Variants in PLEKHM3 observed in about 807,000 individuals in gnomAD.
PLEKHM3 encodes the protein pleckstrin homology domain-containing family M member 3.
Under a neutral mutation model 81.8 loss-of-function variants are expected in PLEKHM3, and 45 were observed. The observed-to-expected ratio is 0.55, with a 90% CI of 0.43 to 0.71. The LOEUF is 0.71. Among genes scored for constraint, PLEKHM3 ranks in the 30% least tolerant of loss-of-function variants. The pLI is 0.00. For synonymous variants in PLEKHM3, 352 were observed against 356.4 expected (o/e 0.99, Z 0.14); for missense variants, 788 against 924.3 (o/e 0.85, Z 1.91).
rs12619380 is a variant in PLEKHM3, at chr2:207,821,686, C to T, written c.*6633G>A. On this transcript the variant is annotated 3_prime_UTR_variant, in exon 8 of 8. Transcript: ENST00000427836. Reference sequence around the variant, plus strand: ...TTTGCAGAAGTTTTTTACATCACCACGTTCAATACTCTCCATTTGCAACCT... The same window carrying T: ...TTTGCAGAAGTTTTTTACATCACCATGTTCAATACTCTCCATTTGCAACCT... The T allele has an allele frequency of 0.29, 44,388 of 151,698 alleles. 6,880 individuals are homozygous for T. Among genetic ancestry groups the T allele is most frequent in the African/African-American group, 0.4 (16,595 of 41,322 alleles). 9.4% of individuals were successfully genotyped at this position (151,698 alleles called of 1,614,324 possible).
chr2:208,018,280 G>A (rs1298820312), intron 1 of PLEKHM3, among the ~76,000 whole-genome samples: 2 of 150,784 alleles, frequency 1.3e-5, no homozygotes, highest in Non-Finnish European at 2.9e-5. Context: ...GGCTGAGGCA[G>A]GAGAATTGTT....
intron 2 of PLEKHM3, among the ~76,000 whole-genome samples, chr2:207,991,637 C>T (rs1356122351): frequency 6.6e-6 from 1 of 152,128 alleles, no homozygotes; most frequent in Non-Finnish European, 1.5e-5. Context: ...CCTGCTCTCT[C>T]TCTTCCTGGT....
chr2:207,954,673 T>G (rs1690446907), intron 3 of PLEKHM3, among the ~76,000 whole-genome samples: 1 of 152,152 alleles, frequency 6.6e-6, no homozygotes, highest in Non-Finnish European at 1.5e-5. Flanking sequence ...CTATTAAGAG[T>G]TATTTGGGTT....
chr2:207,859,973 C>T (rs2092458122), intron 7 of PLEKHM3, among the ~76,000 whole-genome samples: 1 of 152,218 alleles, frequency 6.6e-6, no homozygotes, highest in Admixed American at 6.5e-5. Flanking sequence ...TCTAATTTTA[C>T]TCCCAGTGGT....
At chr2:207,922,034 T>C (rs536643781) in intron 5 of PLEKHM3, among the ~76,000 whole-genome samples, 1 of 152,330 alleles carries the variant, frequency 6.6e-6, no homozygotes, top group African/African-American at 2.4e-5. Context: ...GGTAGCTCTA[T>C]TTTTAGTTTT....
chr2:207,904,042 C>T (rs1435562373), intron 6 of PLEKHM3, among the ~76,000 whole-genome samples: 1 of 152,176 alleles, frequency 6.6e-6, no homozygotes, highest in Non-Finnish European at 1.5e-5. Flanking sequence ...GCCTCAGTTT[C>T]CCCATTCAAA....
At chr2:207,829,634 G>T (rs2092273511) in intron 7 of PLEKHM3, among the ~76,000 whole-genome samples, 1 of 152,092 alleles carries the variant, frequency 6.6e-6, no homozygotes, top group Admixed American at 6.6e-5. Flanking sequence ...TCCAGTGAGT[G>T]GTTTGCCGAT....
intron 6 of PLEKHM3, among the ~76,000 whole-genome samples, chr2:207,897,514 C>T (rs1273857540): frequency 2.0e-5 from 3 of 152,230 alleles, no homozygotes; most frequent in Admixed American, 1.3e-4. Flanking sequence ...ATTATTCTCA[C>T]TTCAGAGATG....
At chr2:207,998,103 C>A (rs115495629) in intron 2 of PLEKHM3, among the ~76,000 whole-genome samples, 8,135 of 152,090 alleles carry the variant, frequency 0.053, 678 homozygotes, top group African/African-American at 0.18. Flanking sequence ...AACTGATGGG[C>A]AATAGGAATA....
intron 7 of PLEKHM3, among the ~76,000 whole-genome samples, chr2:207,842,920 G>A (rs28461707): frequency 0.32 from 49,128 of 152,060 alleles, 8,319 homozygotes; most frequent in African/African-American, 0.41. Context: ...TTAGGCGGAA[G>A]CATCGAGCTG....
At chr2:207,978,687 C>T (rs1325227418) in intron 2 of PLEKHM3, among the ~76,000 whole-genome samples, 3 of 152,130 alleles carry the variant, frequency 2.0e-5, no homozygotes, top group African/African-American at 7.2e-5. Flanking sequence ...ATGCTGTCCC[C>T]TGAGCTTGCA....
At chr2:207,961,174 GCCA>G (rs1332192277) in intron 3 of PLEKHM3, among the ~76,000 whole-genome samples, 1 of 152,142 alleles carries the variant, frequency 6.6e-6, no homozygotes, top group East Asian at 1.9e-4. Flanking sequence ...ATGCCTCCCA[GCCA>G]CCACATCATG....
intron 7 of PLEKHM3, among the ~76,000 whole-genome samples, chr2:207,833,616 T>C (rs190219278): frequency 3.3e-5 from 5 of 152,318 alleles, no homozygotes; most frequent in African/African-American, 7.2e-5. Flanking sequence ...CTGTGCATCA[T>C]AGGATGTGTA....
At chr2:207,885,682 T>C (rs189154290) in intron 6 of PLEKHM3, among the ~76,000 whole-genome samples, 8 of 152,332 alleles carry the variant, frequency 5.3e-5, no homozygotes, top group Admixed American at 5.2e-4. Context: ...GTATATGAAA[T>C]AGACACATCT....
chr2:208,006,903 C>T (rs909136997), intron 1 of PLEKHM3, among the ~76,000 whole-genome samples: 2 of 152,164 alleles, frequency 1.3e-5, no homozygotes, highest in Non-Finnish European at 2.9e-5. Flanking sequence ...ATCAGTGTAT[C>T]GCTATTTCCT....
chr2:207,829,265 C>T (rs1051568046), intron 7 of PLEKHM3, among the ~76,000 whole-genome samples: 8 of 152,058 alleles, frequency 5.3e-5, no homozygotes, highest in Middle Eastern at 3.4e-3. Flanking sequence ...GTTTTTACAG[C>T]GAAGTTTTTA....
Position 207,841,713 on chromosome 2 carries a change from C to A in PLEKHM3, c.2109-13217G>T, listed in dbSNP as rs6728825. ...CCACCAATTTGCTATGCCACCTTTA[C>A]CATGTATTAAATTCCCATATTACTT... On this transcript the variant is annotated intron_variant, in intron 7 of 7. Coordinates refer to ENST00000427836, the MANE Select transcript of PLEKHM3 (RefSeq NM_001080475.3). Among the ~76,000 whole-genome samples the A allele has an allele frequency of 4.2e-3, 638 of 151,298 alleles. 7 individuals carry two copies. Among genetic ancestry groups the A allele is most frequent in the African/African-American group, 0.015 (609 of 41,234 alleles).
chr2:207,923,822 T>TATATACATAC (rs1394318838), intron 5 of PLEKHM3, among the ~76,000 whole-genome samples: 1 of 141,712 alleles, frequency 7.1e-6, no homozygotes, highest in African/African-American at 2.6e-5. Context: ...CACATGGATA[T>TATATACATAC]ATATACATAC....
chr2:207,925,374 C>T (rs985313837), intron 5 of PLEKHM3, among the ~76,000 whole-genome samples: 1 of 152,130 alleles, frequency 6.6e-6, no homozygotes, highest in African/African-American at 2.4e-5. Flanking sequence ...TGCCTCCAGG[C>T]TCATCTTCCT....
Sources: allele counts gnomAD v4.1 joint callset (sites outside exome capture counted in the v4.1 genomes callset), GRCh38; gene constraint gnomAD v4.1.1; transcripts MANE v1.5; gene names NCBI Gene and HGNC (gene_info 2026-07-23, HGNC 2026-07-21).